The following GALNT13 variants were observed in gnomAD, a reference collection of about 807,000 sequenced individuals.
GALNT13 encodes polypeptide N-acetylgalactosaminyltransferase 13.
In GALNT13, 28 loss-of-function variants were observed where a neutral mutation model predicts 64.2. The observed-to-expected ratio is 0.44, with a 90% confidence interval of 0.32 to 0.60. The LOEUF (loss-of-function observed/expected upper bound fraction) is 0.60. GALNT13 is among the 20% of genes least tolerant of loss of function. The pLI is 0.05. For synonymous variants in GALNT13, 214 were observed against 224.6 expected, an observed-to-expected ratio of 0.95 and a Z score of 0.42; for missense variants, 577 against 669.8, an observed-to-expected ratio of 0.86 and a Z score of 1.53.
rs144324984 is a variant in GALNT13, at chr2:153,884,856, T to TAC, written c.-177+12581_-177+12582dup. ...GTGTGTGTGTGTGTATATATGTATA[T>TAC]ACACACACACACACACACACACACA... On this transcript the variant is annotated intron_variant, in intron 1 of 12. Coordinates refer to ENST00000392825, the MANE Select transcript of GALNT13 (RefSeq NM_052917.4). Among the ~76,000 whole-genome samples the TAC allele has an allele frequency of 5.8e-3, 693 of 120,518 alleles. 5 individuals carry two copies. The highest frequency in any genetic ancestry group is 0.022 in the East Asian group (36 of 1,642). The allele number at this position is 120,518 out of a possible 152,430, so 79.1% of individuals were successfully genotyped here.
chr2:153,963,729 C>CTGTGTG (rs1357755350), intron 3 of GALNT13, among the ~76,000 whole-genome samples: 102 of 117,220 alleles, frequency 8.7e-4, no homozygotes, highest in Admixed American at 1.7e-3. Flanking sequence ...CTCTCTCTCT[C>CTGTGTG]TCTGTGTGTG....
chr2:154,423,979 CA>C (rs1700364961), intron 11 of GALNT13, among the ~76,000 whole-genome samples: 1 of 152,142 alleles, frequency 6.6e-6, no homozygotes, highest in Non-Finnish European at 1.5e-5. Flanking sequence ...CTAATCCAGC[CA>C]TGAGATAAAC....
chr2:154,128,967 C>G (rs533779523), intron 3 of GALNT13, among the ~76,000 whole-genome samples: 5 of 152,174 alleles, frequency 3.3e-5, no homozygotes, highest in African/African-American at 1.2e-4. Context: ...AATATGTGGG[C>G]TTCCTCTCAG....
the GALNT13 span, among the ~76,000 whole-genome samples, chr2:153,766,299 CT>C: frequency 3.3e-5 from 5 of 151,932 alleles, no homozygotes; most frequent in African/African-American, 1.2e-4. Flanking sequence ...TTTTCTATGT[CT>C]TTGATGTTTG....
the GALNT13 span, among the ~76,000 whole-genome samples, chr2:153,694,826 G>A: frequency 2.6e-5 from 4 of 152,112 alleles, no homozygotes; most frequent in South Asian, 4.2e-4. Context: ...TACTATGTCC[G>A]GACAATAAAG....
At chr2:154,170,131 T>A (rs1685270403) in intron 4 of GALNT13, among the ~76,000 whole-genome samples, 1 of 152,176 alleles carries the variant, frequency 6.6e-6, no homozygotes, top group Non-Finnish European at 1.5e-5. Flanking sequence ...ACTGTTTTAA[T>A]CAGGGTTTCC....
chr2:153,533,723 C>CTTTGTTTTTTTTTTTTTTTT, the GALNT13 span, among the ~76,000 whole-genome samples: 1 of 48,732 alleles, frequency 2.1e-5, no homozygotes, highest in Non-Finnish European at 3.6e-5. Flanking sequence ...TGAGGTTTTT[C>CTTTGTTTTTTTTTTTTTTTT]TTTTTTTTTT....
chr2:154,075,988 A>C (rs1203575330), intron 3 of GALNT13, among the ~76,000 whole-genome samples: 1 of 151,632 alleles, frequency 6.6e-6, no homozygotes, highest in African/African-American at 2.4e-5. Flanking sequence ...TACCGGTCAG[A>C]TTAGGTGAAG....
the GALNT13 span, among the ~76,000 whole-genome samples, chr2:153,785,934 T>C: frequency 6.6e-6 from 1 of 151,260 alleles, no homozygotes; most frequent in South Asian, 2.1e-4. Flanking sequence ...GTCAGACTGT[T>C]CCCCATGGAG....
the GALNT13 span, among the ~76,000 whole-genome samples, chr2:153,095,442 C>G: frequency 6.6e-6 from 1 of 152,184 alleles, no homozygotes; most frequent in African/African-American, 2.4e-5. Flanking sequence ...GTTGATGGAA[C>G]TGTAAACTAG....
At chr2:153,732,919 AAGAC>A in the GALNT13 span, among the ~76,000 whole-genome samples, 8 of 152,088 alleles carry the variant, frequency 5.3e-5, no homozygotes, top group Admixed American at 2.6e-4. Context: ...TAAAAATAGA[AAGAC>A]AGAGAAGAAC....
At chr2:153,963,641 G>T (rs945228498) in intron 3 of GALNT13, among the ~76,000 whole-genome samples, 6 of 151,698 alleles carry the variant, frequency 4.0e-5, no homozygotes, top group South Asian at 2.1e-4. Flanking sequence ...GTATCTCATT[G>T]TGATTTTGAC....
At chr2:154,346,402 G>A (rs557135718) in intron 9 of GALNT13, among the ~76,000 whole-genome samples, 1 of 152,048 alleles carries the variant, frequency 6.6e-6, no homozygotes, top group Admixed American at 6.6e-5. Flanking sequence ...CCCTACCCAA[G>A]TCTCATCTTG....
chr2:153,511,462 T>G, the GALNT13 span, among the ~76,000 whole-genome samples: 5 of 152,144 alleles, frequency 3.3e-5, no homozygotes, highest in African/African-American at 1.2e-4. Context: ...TTCAGATTAT[T>G]TTTGTATTTC....
the GALNT13 span, among the ~76,000 whole-genome samples, chr2:153,732,785 C>T: frequency 1.3e-5 from 2 of 152,116 alleles, no homozygotes; most frequent in Admixed American, 1.3e-4. Context: ...AGTTGGAAGA[C>T]TTTGGATCTC....
the GALNT13 span, among the ~76,000 whole-genome samples, chr2:153,703,680 C>T: frequency 3.3e-5 from 5 of 152,078 alleles, no homozygotes; most frequent in Non-Finnish European, 5.9e-5. Flanking sequence ...CCCTGCCTTG[C>T]CTGGTTTCTA....
the GALNT13 span, among the ~76,000 whole-genome samples, chr2:153,366,249 G>A: frequency 2.0e-5 from 3 of 152,100 alleles, no homozygotes; most frequent in African/African-American, 7.2e-5. Flanking sequence ...GTAAGATGGA[G>A]GGTGAGGGGA....
intron 3 of GALNT13, among the ~76,000 whole-genome samples, chr2:154,067,250 A>G (rs1700514426): frequency 6.6e-6 from 1 of 152,048 alleles, no homozygotes; most frequent in Non-Finnish European, 1.5e-5. Flanking sequence ...ACCACTATAA[A>G]AGAAATGGCA....
At chr2:154,403,159 C>T (rs1699374100) in intron 10 of GALNT13, among the ~76,000 whole-genome samples, 1 of 152,050 alleles carries the variant, frequency 6.6e-6, no homozygotes, top group African/African-American at 2.4e-5. Flanking sequence ...TGATAAAAAC[C>T]TTTCAGATTT....
Sources: allele counts gnomAD v4.1 joint callset (sites outside exome capture counted in the v4.1 genomes callset), GRCh38; gene constraint gnomAD v4.1.1; transcripts MANE v1.5; gene names NCBI Gene and HGNC (gene_info 2026-07-23, HGNC 2026-07-21).